FXYD6: variants seen among roughly 807,000 people sequenced by gnomAD.
FXYD6 encodes the protein FXYD domain-containing ion transport regulator 6.
A neutral mutation model predicts 16.7 loss-of-function variants in FXYD6; 7 were observed. That is an observed-to-expected ratio of 0.42 (90% CI 0.24 to 0.79). The LOEUF (loss-of-function observed/expected upper bound fraction) is 0.79. Ranked by LOEUF, FXYD6 falls within the 30% of genes least tolerant of loss-of-function variation. The pLI, the probability that FXYD6 is intolerant of heterozygous loss-of-function variation, is 0.28. For missense variants in FXYD6, 111 were observed against 116.2 expected (o/e 0.95, Z 0.21); for synonymous variants, 49 against 43.0 (o/e 1.14, Z -0.54).
intron 1 of FXYD6, chr11:117,844,100 C>T (rs777706255): frequency 6.6e-6 from 1 of 152,502 alleles, no homozygotes; most frequent in African/African-American, 2.4e-5. Context: ...GCCCCCAGCA[C>T]GGTCACTACC....
chr11:117,847,577 T>C (rs1275790561), intron 1 of FXYD6, among the ~76,000 whole-genome samples: 1 of 144,042 alleles, frequency 6.9e-6, no homozygotes, highest in Non-Finnish European at 1.5e-5. Context: ...TGTGTTCTCA[T>C]TGTTCAATTC....
chr11:117,840,826 G>T (rs2134132933), intron 5 of FXYD6, among the ~76,000 whole-genome samples: 1 of 152,110 alleles, frequency 6.6e-6, no homozygotes, highest in Admixed American at 6.5e-5. Context: ...ATCTAGAGAG[G>T]CCAGGAAGCC....
At chr11:117,848,397 A>AT (rs57830951) in intron 1 of FXYD6, among the ~76,000 whole-genome samples, 3,799 of 147,136 alleles carry the variant, frequency 0.026, 103 homozygotes, top group African/African-American at 0.07. Context: ...AATGAAACCA[A>AT]TTTTTTTTTT....
intron 1 of FXYD6, among the ~76,000 whole-genome samples, chr11:117,867,001 C>T (rs920339354): frequency 1.3e-5 from 2 of 152,186 alleles, no homozygotes; most frequent in South Asian, 2.1e-4. Flanking sequence ...TTAAATGTCA[C>T]GGCATCACTA....
chr11:117,848,850 A>G (rs1231315648), intron 1 of FXYD6, among the ~76,000 whole-genome samples: 1 of 152,164 alleles, frequency 6.6e-6, no homozygotes, highest in East Asian at 1.9e-4. Context: ...TACTTGTGAC[A>G]ACTCCCTTTC....
At chr11:117,859,718 C>A (rs965093415) in intron 1 of FXYD6, among the ~76,000 whole-genome samples, 9 of 152,154 alleles carry the variant, frequency 5.9e-5, no homozygotes, top group Non-Finnish European at 1.2e-4. Context: ...ACAAATAAAT[C>A]AAACTGTCCT....
intron 7 of FXYD6, chr11:117,838,586 GAA>G (rs890454486): frequency 5.4e-6 from 2 of 371,938 alleles, no homozygotes; most frequent in East Asian, 9.6e-5. Flanking sequence ...AAAAAAAAAT[GAA>G]AAGACATTTC....
At chr11:117,863,644 A>G (rs1453181031) in intron 1 of FXYD6, among the ~76,000 whole-genome samples, 3 of 152,240 alleles carry the variant, frequency 2.0e-5, no homozygotes, top group African/African-American at 7.2e-5. Flanking sequence ...AATAAGTAAA[A>G]GGCATCCAAA....
At chr11:117,869,628 A>G (rs2057091500) in intron 1 of FXYD6, among the ~76,000 whole-genome samples, 1 of 152,114 alleles carries the variant, frequency 6.6e-6, no homozygotes, top group South Asian at 2.1e-4. Flanking sequence ...TAACATGAAA[A>G]CATGAAGTTC....
chr11:117,875,366 C>A (rs568150843), intron 1 of FXYD6, among the ~76,000 whole-genome samples: 1 of 151,702 alleles, frequency 6.6e-6, no homozygotes, highest in African/African-American at 2.4e-5. Flanking sequence ...GGTGTAGGAG[C>A]CAGATATCTA....
At chr11:117,848,295 G>A (rs1000942489) in intron 1 of FXYD6, among the ~76,000 whole-genome samples, 10 of 151,820 alleles carry the variant, frequency 6.6e-5, no homozygotes, top group African/African-American at 2.2e-4. Context: ...ATGAACGAGT[G>A]TTCTATTTCT....
rs1203600890 is a variant in FXYD6 at position 117,870,509 on chromosome 11, A to C, written c.-6+6083T>G. ...GCCAGGCCCACGCCACCCTGCCCACAGCCAGGCCACAGCACCAGGCAGCCC... is the reference window on the plus strand; with the variant it reads ...GCCAGGCCCACGCCACCCTGCCCACCGCCAGGCCACAGCACCAGGCAGCCC... On this transcript the variant is annotated intron_variant, in intron 1 of 7. Transcript: ENST00000526014. The surrounding 1 kb of genome is among the most constrained non-coding windows in gnomAD (Gnocchi z 4.2). 6.6e-6 allele frequency among the ~76,000 whole-genome samples: 1 copy of C among 152,210 alleles called. No homozygotes were observed. The highest frequency in any genetic ancestry group is 1.5e-5 in the Non-Finnish European group (1 of 68,022).
intron 1 of FXYD6, chr11:117,844,342 C>T (rs1384781653): frequency 1.3e-5 from 2 of 152,114 alleles, no homozygotes; most frequent in African/African-American, 4.8e-5. Flanking sequence ...TATAATGAGG[C>T]ATAGTAATAA....
At chr11:117,838,568 G>C (rs1009834109) in intron 7 of FXYD6, 4 of 392,502 alleles carry the variant, frequency 1.0e-5, no homozygotes, top group South Asian at 4.8e-5. Context: ...GAAAGAACTA[G>C]TTTGGGAAAA....
rs17121367 is a variant in FXYD6, at chr11:117,871,698, C to T, written c.-6+4894G>A. On this transcript the variant is annotated intron_variant, in intron 1 of 7. Coordinates refer to ENST00000526014, the MANE Select transcript of FXYD6 (RefSeq NM_022003.4). ...TAATGTGTCATTACTATCATTATTACAGCAGCTGATATCTCCTGAGTGTTT... is the reference window on the plus strand; with the variant it reads ...TAATGTGTCATTACTATCATTATTATAGCAGCTGATATCTCCTGAGTGTTT... Among the ~76,000 whole-genome samples the T allele has an allele frequency of 8.8e-3, 1,341 of 152,272 alleles. 21 individuals are homozygous for T. Among genetic ancestry groups the T allele is most frequent in the African/African-American group, 0.031 (1,275 of 41,524 alleles).
chr11:117,850,426 C>G (rs2056581623), intron 1 of FXYD6, among the ~76,000 whole-genome samples: 1 of 152,150 alleles, frequency 6.6e-6, no homozygotes, highest in Non-Finnish European at 1.5e-5. Flanking sequence ...TTACTCTCTA[C>G]CTTTCTGTGT....
intron 4 of FXYD6, 24 bp from the exon 5 acceptor site, chr11:117,841,208 AG>A: frequency 6.2e-7 from 1 of 1,614,000 alleles, no homozygotes; most frequent in South Asian, 1.1e-5. Context: ...AAACCATCCA[AG>A]GTCATGCTGC....
intron 1 of FXYD6, among the ~76,000 whole-genome samples, chr11:117,859,602 A>G (rs2056856722): frequency 1.3e-5 from 2 of 152,218 alleles, no homozygotes; most frequent in Admixed American, 6.5e-5. Flanking sequence ...ACCCGATGCT[A>G]ACACTGATAA....
chr11:117,857,968 A>G (rs1253310820), intron 1 of FXYD6, among the ~76,000 whole-genome samples: 1 of 152,194 alleles, frequency 6.6e-6, no homozygotes, highest in Non-Finnish European at 1.5e-5. Context: ...CCAGCAGAGA[A>G]TGCCCAAACC....
Sources: gnomAD v4.1 joint callset for allele counts (sites outside exome capture counted in the v4.1 genomes callset) on GRCh38, gnomAD v4.1.1 for gene constraint, Gnocchi (gnomAD v3.1) non-coding constraint, MANE v1.5 for transcripts, NCBI Gene and HGNC (gene_info 2026-07-23, HGNC 2026-07-21) for gene names.